Variants in SEMA6D observed in about 807,000 individuals in gnomAD.
SEMA6D encodes the protein semaphorin 6D, also known as semaphorin-6D.
In SEMA6D, 35 loss-of-function variants were observed where a neutral mutation model predicts 106.6. The ratio of observed to expected loss-of-function variants is 0.33; its 90% CI spans 0.25 to 0.44. SEMA6D has a LOEUF of 0.44. SEMA6D is among the 20% of genes least tolerant of loss of function. SEMA6D has a pLI of 1.00. For missense variants in SEMA6D, 1,185 were observed against 1,345.9 expected (o/e 0.88, Z 1.87); for synonymous variants, 499 against 487.7 (o/e 1.02, Z -0.31).
chr15:47,597,838 A>G (rs1451293433), intron 3 of SEMA6D, among the ~76,000 whole-genome samples: 2 of 149,968 alleles, frequency 1.3e-5, no homozygotes, highest in Non-Finnish European at 3.0e-5. Flanking sequence ...GTCATTCCAC[A>G]TCATTCATAC....
intron 3 of SEMA6D, among the ~76,000 whole-genome samples, chr15:47,515,147 C>A (rs1394102954): frequency 6.6e-6 from 1 of 152,114 alleles, no homozygotes; most frequent in Non-Finnish European, 1.5e-5. Context: ...GCCTAAATGA[C>A]CATCCTCCAA....
At chr15:47,596,795 G>T (rs1219849029) in intron 3 of SEMA6D, among the ~76,000 whole-genome samples, 1 of 151,972 alleles carries the variant, frequency 6.6e-6, no homozygotes, top group South Asian at 2.1e-4. Flanking sequence ...TGGGTTAAGG[G>T]CTCAAATGTA....
intron 1 of SEMA6D, among the ~76,000 whole-genome samples, chr15:47,740,393 G>A (rs573927639): frequency 2.6e-4 from 39 of 152,046 alleles, no homozygotes; most frequent in Admixed American, 1.7e-3. Flanking sequence ...GGTGGCGCGC[G>A]CCTGTAGTCC....
chr15:47,724,157 T>C (rs2146417339), intron 1 of SEMA6D, among the ~76,000 whole-genome samples: 1 of 152,320 alleles, frequency 6.6e-6, no homozygotes, highest in South Asian at 2.1e-4. Context: ...GGGTAATTGG[T>C]GGATCAAATA....
At chr15:47,416,562 C>G (rs1338443807) in intron 2 of SEMA6D, among the ~76,000 whole-genome samples, 2 of 152,106 alleles carry the variant, frequency 1.3e-5, no homozygotes, top group Non-Finnish European at 1.5e-5. Flanking sequence ...ACAGTGTACT[C>G]ACAATCTGGC....
In SEMA6D at chr15:47,422,180, GCCTTCCTTCCTTCCTTCCTTCCTT is replaced by G. The variant is rs68039702; in HGVS notation, c.-159+9739_-159+9762del. 4.4e-5 allele frequency among the ~76,000 whole-genome samples: 5 copies of G among 112,874 alleles called. No homozygotes were observed. The South Asian group carries it at 2.0e-3, about 45-fold the overall frequency. 74.0% of individuals were successfully genotyped at this position (112,874 alleles called of 152,430 possible). A position where few individuals can be genotyped will look rare whatever the true frequency, so the allele number is the denominator to read the frequency against. On this transcript the variant is annotated intron_variant, in intron 2 of 19. Transcript: ENST00000558014. ...TTATTTTTTGCCCGCCCGCCTGCCT[GCCTTCCTTCCTTCCTTCCTTCCTT>G]CCTTCCTTCCTTCCTTCCTTCCTTC...
At chr15:47,615,349 G>A (rs573268422) in intron 4 of SEMA6D, among the ~76,000 whole-genome samples, 6 of 152,240 alleles carry the variant, frequency 3.9e-5, no homozygotes, top group African/African-American at 9.6e-5. Flanking sequence ...AGCAACTTGC[G>A]CATCTGTGGA....
chr15:47,713,277 A>C (rs749377101), upstream of SEMA6D, among the ~76,000 whole-genome samples: 15 of 152,160 alleles, frequency 9.9e-5, no homozygotes, highest in Non-Finnish European at 1.9e-4. Flanking sequence ...TAAAAAGCAC[A>C]TTTTTATCAT....
In SEMA6D at chr15:47,305,748, C is replaced by G. The variant is rs903024850; in HGVS notation, c.-238-106645C>G. On this transcript the variant is annotated intron_variant, in intron 1 of 19. Coordinates refer to the SEMA6D transcript ENST00000558014. ...GTTCTGACCTTTTCTGACCACATGG[C>G]AGTTCTGGCTTTTGGACCACAGGCC... is the stretch of plus-strand genomic sequence containing the variant. Among the ~76,000 whole-genome samples, 4 of 152,198 alleles carry G rather than the reference C, an allele frequency of 2.6e-5. No individual in the cohort carries two copies. In the South Asian group the frequency reaches 8.3e-4, roughly 32 times the overall value.
At chr15:47,357,259 G>A (rs966480340) in intron 1 of SEMA6D, among the ~76,000 whole-genome samples, 7 of 152,158 alleles carry the variant, frequency 4.6e-5, no homozygotes, top group South Asian at 4.2e-4. Flanking sequence ...GCATGAACCT[G>A]GGGGGCGGAG....
chr15:47,291,406 A>T (rs1185138380), intron 1 of SEMA6D, among the ~76,000 whole-genome samples: 1 of 152,178 alleles, frequency 6.6e-6, no homozygotes, highest in Admixed American at 6.5e-5. Context: ...GGACCTGAGG[A>T]TGCAGCCCTA....
intron 1 of SEMA6D, among the ~76,000 whole-genome samples, chr15:47,325,898 G>A (rs540762776): frequency 2.6e-5 from 4 of 152,146 alleles, no homozygotes; most frequent in Admixed American, 6.5e-5. Context: ...TACCTCAAGC[G>A]GTTGCCCAGG....
At chr15:47,687,160 G>A (rs926424268) in intron 4 of SEMA6D, among the ~76,000 whole-genome samples, 3 of 151,808 alleles carry the variant, frequency 2.0e-5, no homozygotes, top group African/African-American at 7.3e-5. Flanking sequence ...AAATATGAAG[G>A]TTTTGTAGAG....
chr15:47,730,502 A>G (rs1225396519), intron 1 of SEMA6D: 1 of 1,295,166 alleles, frequency 7.7e-7, no homozygotes, highest in African/African-American at 1.5e-5. Context: ...CTTATTGTCC[A>G]CCAAGGTGGT....
intron 1 of SEMA6D, among the ~76,000 whole-genome samples, chr15:47,399,750 A>G (rs1300864835): frequency 6.6e-6 from 1 of 152,230 alleles, no homozygotes; most frequent in Admixed American, 6.5e-5. Context: ...GATGATAATT[A>G]TATTATCTCA....
intron 4 of SEMA6D, among the ~76,000 whole-genome samples, chr15:47,665,920 GA>G (rs1457817294): frequency 1.3e-5 from 2 of 152,208 alleles, no homozygotes; most frequent in Admixed American, 1.3e-4. Flanking sequence ...ACAACCTCAG[GA>G]GGCTGCATTT....
intron 1 of SEMA6D, among the ~76,000 whole-genome samples, chr15:47,250,608 C>A (rs957185807): frequency 6.6e-6 from 1 of 152,134 alleles, no homozygotes; most frequent in South Asian, 2.1e-4. Context: ...AGTGACAGCT[C>A]CTTTAAATAG....
intron 4 of SEMA6D, among the ~76,000 whole-genome samples, chr15:47,628,918 A>C (rs1483561785): frequency 6.6e-6 from 1 of 152,086 alleles, no homozygotes; most frequent in South Asian, 2.1e-4. Flanking sequence ...AGAAGCCGTG[A>C]GTTTTAGATC....
intron 3 of SEMA6D, among the ~76,000 whole-genome samples, chr15:47,575,300 G>T (rs1478403798): frequency 3.3e-5 from 5 of 152,174 alleles, no homozygotes; most frequent in Admixed American, 1.3e-4. Context: ...TGGTTAGGCA[G>T]GGAGGGGGTA....
Sources: gnomAD v4.1 joint callset for allele counts (sites outside exome capture counted in the v4.1 genomes callset) on GRCh38, gnomAD v4.1.1 for gene constraint, MANE v1.5 for transcripts, NCBI Gene and HGNC (gene_info 2026-07-23, HGNC 2026-07-21) for gene names.